The following CHRM5 variants were observed in gnomAD, a reference collection of about 807,000 sequenced individuals.
CHRM5 encodes the protein muscarinic acetylcholine receptor M5.
A neutral mutation model predicts 39.0 loss-of-function variants in CHRM5; 18 were observed. The observed-to-expected ratio is 0.46, with a 90% confidence interval of 0.32 to 0.68. The LOEUF (loss-of-function observed/expected upper bound fraction) is 0.68. Among genes scored for constraint, CHRM5 ranks in the 30% least tolerant of loss-of-function variants. CHRM5 has a pLI of 0.04. For missense variants in CHRM5, 515 were observed against 651.1 expected (o/e 0.79, Z 2.28); for synonymous variants, 241 against 246.3 (o/e 0.98, Z 0.20).
In CHRM5 at chr15:34,018,019, C is replaced by G. The variant is rs150811587; in HGVS notation, c.-407-28521C>G. ...AGTCCAGCACATACAATTATGTACA[C>G]TACATAATACTGACAATGATACTAA... On this transcript the variant is annotated intron_variant, in intron 1 of 2. Coordinates refer to ENST00000383263, the MANE Select transcript of CHRM5 (RefSeq NM_012125.4). Among the ~76,000 whole-genome samples, 899 of 152,274 alleles carry G rather than the reference C, an allele frequency of 5.9e-3. 13 individuals carry two copies. The South Asian group carries it at 0.064, about 11-fold the overall frequency.
At chr15:34,006,751 T>C (rs1250224630) in intron 1 of CHRM5, among the ~76,000 whole-genome samples, 3 of 152,022 alleles carry the variant, frequency 2.0e-5, no homozygotes, top group African/African-American at 7.2e-5. Flanking sequence ...AGAGACAGAG[T>C]TGTCATTAGC....
intron 1 of CHRM5, among the ~76,000 whole-genome samples, chr15:34,042,986 G>A (rs574474031): frequency 7.2e-5 from 11 of 151,944 alleles, no homozygotes; most frequent in Admixed American, 1.3e-4. Flanking sequence ...GGTGGCTCAC[G>A]CCTGTAATCC....
At chr15:34,012,544 T>C (rs986073932) in intron 1 of CHRM5, among the ~76,000 whole-genome samples, 1 of 152,216 alleles carries the variant, frequency 6.6e-6, no homozygotes, top group East Asian at 1.9e-4. Context: ...ATATGCTTAA[T>C]GCTGCAAATG....
At chr15:34,001,019 ATTTT>A (rs562045179) in intron 1 of CHRM5, among the ~76,000 whole-genome samples, 11 of 136,756 alleles carry the variant, frequency 8.0e-5, no homozygotes, top group African/African-American at 2.2e-4. Context: ...TTGGACTAGA[ATTTT>A]TTTTTTTTTT....
At chr15:34,052,724 G>T (rs1386143727) in intron 2 of CHRM5, among the ~76,000 whole-genome samples, 1 of 152,070 alleles carries the variant, frequency 6.6e-6, no homozygotes, top group Admixed American at 6.6e-5. Context: ...GAGCCAAATC[G>T]TGAATGAATT....
chr15:34,009,107 A>G (rs1046502796), intron 1 of CHRM5, among the ~76,000 whole-genome samples: 9 of 152,188 alleles, frequency 5.9e-5, no homozygotes, highest in African/African-American at 1.9e-4. Flanking sequence ...TAACATATTC[A>G]AAGTGTTGCT....
At chr15:34,038,833 G>A in intron 1 of CHRM5, 1 of 1,189,580 alleles carries the variant, frequency 8.4e-7, no homozygotes, top group Non-Finnish European at 1.0e-6. Context: ...CTGCCTCGCG[G>A]GGCGCCTCCT....
intron 1 of CHRM5, among the ~76,000 whole-genome samples, chr15:33,979,990 T>A (rs966912440): frequency 1.8e-4 from 28 of 152,190 alleles, no homozygotes; most frequent in Middle Eastern, 3.4e-3. Flanking sequence ...TTTTAAAAAA[T>A]AATCAGCTCA....
intron 1 of CHRM5, among the ~76,000 whole-genome samples, chr15:34,028,401 T>C (rs1475455463): frequency 3.9e-5 from 6 of 151,946 alleles, no homozygotes; most frequent in Admixed American, 6.6e-5. Context: ...CCCGTCTCTA[T>C]AAAAATAAAA....
chr15:34,054,185 C>T (rs1383707268), intron 2 of CHRM5, among the ~76,000 whole-genome samples: 1 of 152,132 alleles, frequency 6.6e-6, no homozygotes, highest in African/African-American at 2.4e-5. Flanking sequence ...ACAACAGATG[C>T]TGGCAAGGCT....
intron 1 of CHRM5, among the ~76,000 whole-genome samples, chr15:33,999,824 A>G (rs1181868111): frequency 6.6e-6 from 1 of 152,096 alleles, no homozygotes; most frequent in Non-Finnish European, 1.5e-5. Flanking sequence ...GTTCCTTCCA[A>G]CACAGCAGAG....
chr15:34,019,085 A>G (rs1470887666), intron 1 of CHRM5, among the ~76,000 whole-genome samples: 2 of 152,078 alleles, frequency 1.3e-5, no homozygotes, highest in Admixed American at 6.5e-5. Context: ...TCCTTTAGCT[A>G]GACACAGAGT....
chr15:33,998,676 T>C (rs1359595466), intron 1 of CHRM5, among the ~76,000 whole-genome samples: 2 of 152,194 alleles, frequency 1.3e-5, no homozygotes, highest in East Asian at 3.9e-4. Context: ...ATAACCTTCC[T>C]GTTAAATTTA....
chr15:34,037,518 CTAT>C (rs1232157113), intron 1 of CHRM5, among the ~76,000 whole-genome samples: 18 of 148,922 alleles, frequency 1.2e-4, no homozygotes, highest in African/African-American at 2.7e-4. Flanking sequence ...TAATTACATA[CTAT>C]TATATTACAT....
At chr15:33,984,837 C>A (rs1896353637) in intron 1 of CHRM5, among the ~76,000 whole-genome samples, 1 of 152,136 alleles carries the variant, frequency 6.6e-6, no homozygotes, top group Non-Finnish European at 1.5e-5. Context: ...CACCCAATAA[C>A]CACAAATAAC....
At chr15:34,033,849 G>A (rs1422029266) in intron 1 of CHRM5, among the ~76,000 whole-genome samples, 3 of 152,096 alleles carry the variant, frequency 2.0e-5, no homozygotes, top group African/African-American at 2.4e-5. Context: ...GAGCAGTGGC[G>A]CAATTTCGGC....
chr15:33,999,831 A>G (rs1286232614), intron 1 of CHRM5, among the ~76,000 whole-genome samples: 1 of 152,216 alleles, frequency 6.6e-6, no homozygotes, highest in Non-Finnish European at 1.5e-5. Context: ...CCAACACAGC[A>G]GAGTGATCCT....
At chr15:34,014,274 G>C (rs987828731) in intron 1 of CHRM5, among the ~76,000 whole-genome samples, 1 of 150,664 alleles carries the variant, frequency 6.6e-6, no homozygotes, top group African/African-American at 2.5e-5. Context: ...TGAGGCAGGA[G>C]GATTGCTTGA....
chr15:33,970,835 T>G (rs1895605940), intron 1 of CHRM5, among the ~76,000 whole-genome samples: 1 of 151,984 alleles, frequency 6.6e-6, no homozygotes, highest in East Asian at 1.9e-4. Flanking sequence ...TTGGGGGCTT[T>G]GTTTCTATAA....
Sources: allele counts gnomAD v4.1 joint callset (sites outside exome capture counted in the v4.1 genomes callset), GRCh38; gene constraint gnomAD v4.1.1; transcripts MANE v1.5; gene names NCBI Gene and HGNC (gene_info 2026-07-23, HGNC 2026-07-21).